The following GRIP1 variants were observed in gnomAD, a reference collection of about 807,000 sequenced individuals.
GRIP1 encodes the protein glutamate receptor-interacting protein 1.
Under a neutral mutation model 129.9 loss-of-function variants are expected in GRIP1, and 45 were observed. That is an observed-to-expected ratio of 0.35 (90% CI 0.27 to 0.44). GRIP1 has a LOEUF of 0.44. GRIP1 is among the 20% of genes least tolerant of loss of function. The pLI is 1.00. For synonymous variants in GRIP1, 530 were observed against 520.8 expected (o/e 1.02, Z -0.24); for missense variants, 1,196 against 1,396.8 (o/e 0.86, Z 2.29).
chr12:66,418,182 T>C (rs539268464), intron 15 of GRIP1, among the ~76,000 whole-genome samples: 5 of 152,162 alleles, frequency 3.3e-5, no homozygotes, highest in South Asian at 2.1e-4. Context: ...GAAACATACA[T>C]TGGGGAAAAG....
intron 2 of GRIP1, among the ~76,000 whole-genome samples, chr12:66,583,178 T>A (rs1490243741): frequency 6.6e-6 from 1 of 151,156 alleles, no homozygotes; most frequent in Non-Finnish European, 1.5e-5. Context: ...ATTTAATAAA[T>A]GGTGCTGGGA....
At chr12:66,702,538 A>T (rs1245499456) in intron 1 of GRIP1, among the ~76,000 whole-genome samples, 1 of 152,176 alleles carries the variant, frequency 6.6e-6, no homozygotes, top group African/African-American at 2.4e-5. Flanking sequence ...TACAAGCCCA[A>T]AGAAAATTAC....
intron 5 of GRIP1, among the ~76,000 whole-genome samples, chr12:66,526,626 CT>C (rs1288782841): frequency 6.6e-6 from 1 of 152,016 alleles, no homozygotes; most frequent in African/African-American, 2.4e-5. Flanking sequence ...TGGGCAAGGA[CT>C]TCATGTCTAA....
In GRIP1 at chr12:66,819,095, A is replaced by C. The variant is rs532266152; in HGVS notation, c.59-222168T>G. On this transcript the variant is annotated intron_variant, in intron 1 of 1. Transcript: ENST00000643019. ...AACATTTTTGTTTCCCAGTATTCCCAAATGGACTGCCAAAGAAGCCCTTTG... is the reference window on the plus strand; with the variant it reads ...AACATTTTTGTTTCCCAGTATTCCCCAATGGACTGCCAAAGAAGCCCTTTG... 1.7e-4 allele frequency among the ~76,000 whole-genome samples: 26 copies of C among 152,354 alleles called. No individual in the cohort carries two copies. The South Asian group carries it at 5.4e-3, about 32-fold the overall frequency.
At chr12:66,715,309 C>T (rs1198357858) in intron 1 of GRIP1, among the ~76,000 whole-genome samples, 1 of 151,960 alleles carries the variant, frequency 6.6e-6, no homozygotes, top group East Asian at 1.9e-4. Context: ...CATGGTCCTG[C>T]TCTCCCCAGA....
At chr12:66,924,090 C>T (rs2041256935) in intron 1 of GRIP1, among the ~76,000 whole-genome samples, 1 of 152,214 alleles carries the variant, frequency 6.6e-6, no homozygotes, top group South Asian at 2.1e-4. Context: ...GGTGATTCAC[C>T]CCCCTCGGCC....
chr12:66,661,473 AG>A lies in GRIP1; in HGVS notation c.55+17376del, dbSNP rs1169150897. ...TTAGATTTTGGCAAAAAAAAAAAAAAGGTGGAGGGGAGATGGGAAAAAAAAT... is the reference window on the plus strand; with the variant it reads ...TTAGATTTTGGCAAAAAAAAAAAAAAGTGGAGGGGAGATGGGAAAAAAAAT... On this transcript the variant is annotated intron_variant, in intron 1 of 24. Transcript: ENST00000359742. 5.8e-4 allele frequency among the ~76,000 whole-genome samples: 43 copies of A among 74,386 alleles called. 1 individual carries two copies. Among genetic ancestry groups the A allele is most frequent in the African/African-American group, 1.1e-3 (18 of 15,986 alleles). The allele number at this position is 74,386 out of a possible 152,430, so 48.8% of individuals were successfully genotyped here.
intron 1 of GRIP1, among the ~76,000 whole-genome samples, chr12:66,901,128 G>A (rs538874330): frequency 5.9e-5 from 9 of 152,274 alleles, no homozygotes; most frequent in Non-Finnish European, 1.3e-4. Context: ...GATTACATGG[G>A]TTAAAAGAAC....
In GRIP1 at chr12:66,932,804, G is replaced by C. The variant is rs566622221; in HGVS notation, c.58+136246C>G. Among the ~76,000 whole-genome samples the C allele has an allele frequency of 2.8e-3, 430 of 152,118 alleles. 2 individuals are homozygous for C. The highest frequency in any genetic ancestry group is 6.5e-3 in the South Asian group (31 of 4,804). ...CTGCCTCAGCCTCCCAAGTAACTAGGACTGCAGGCGCCTGCCACCGCGCCC... is the reference window on the plus strand; with the variant it reads ...CTGCCTCAGCCTCCCAAGTAACTAGCACTGCAGGCGCCTGCCACCGCGCCC... On this transcript the variant is annotated intron_variant, in intron 1 of 1. Transcript: ENST00000643019.
chr12:66,504,603 T>C (rs2060477326), intron 7 of GRIP1, among the ~76,000 whole-genome samples: 1 of 152,142 alleles, frequency 6.6e-6, no homozygotes, highest in Non-Finnish European at 1.5e-5. Context: ...ATCTTCAAAC[T>C]GCAAAATCCT....
chr12:66,748,962 TAGAC>T (rs1405370939), intron 1 of GRIP1, among the ~76,000 whole-genome samples: 2 of 152,146 alleles, frequency 1.3e-5, no homozygotes, highest in Non-Finnish European at 2.9e-5. Context: ...ATATAAACAA[TAGAC>T]AGACAGATCA....
chr12:66,893,251 A>G (rs925372072), intron 1 of GRIP1, among the ~76,000 whole-genome samples: 1 of 151,396 alleles, frequency 6.6e-6, no homozygotes, highest in East Asian at 1.9e-4. Flanking sequence ...ATATCTCTTT[A>G]TTTTTATTAT....
intron 1 of GRIP1, among the ~76,000 whole-genome samples, chr12:66,937,753 T>C (rs1413276483): frequency 6.6e-6 from 1 of 151,970 alleles, no homozygotes; most frequent in Non-Finnish European, 1.5e-5. Flanking sequence ...GATATTAGAG[T>C]TTCCAAAGAT....
At chr12:66,416,201 G>A (rs866900787) in intron 15 of GRIP1, among the ~76,000 whole-genome samples, 10 of 151,924 alleles carry the variant, frequency 6.6e-5, no homozygotes, top group East Asian at 3.8e-4. Context: ...AAAAAATTTC[G>A]TGAAACAAAT....
chr12:66,633,723 A>G (rs1321239622), intron 1 of GRIP1, among the ~76,000 whole-genome samples: 1 of 152,132 alleles, frequency 6.6e-6, no homozygotes, highest in Non-Finnish European at 1.5e-5. Context: ...GAAGTAGGAA[A>G]CTAAGAAGTT....
At chr12:66,431,771 A>C (rs1280267409) in intron 14 of GRIP1, among the ~76,000 whole-genome samples, 1 of 152,164 alleles carries the variant, frequency 6.6e-6, no homozygotes, top group African/African-American at 2.4e-5. Context: ...AAAGCCCCCC[A>C]AAACCCTCAA....
At chr12:66,555,914 T>G (rs1050702812) in intron 2 of GRIP1, among the ~76,000 whole-genome samples, 2 of 152,202 alleles carry the variant, frequency 1.3e-5, no homozygotes, top group East Asian at 1.9e-4. Context: ...GCATGCCTAT[T>G]AGACCCAGAA....
intron 1 of GRIP1, among the ~76,000 whole-genome samples, chr12:66,767,348 G>T (rs1197939628): frequency 6.6e-6 from 1 of 152,090 alleles, no homozygotes; most frequent in Non-Finnish European, 1.5e-5. Context: ...CTCAAAAGAA[G>T]CATCTAAGGA....
intron 16 of GRIP1, among the ~76,000 whole-genome samples, chr12:66,401,179 G>A (rs1355655379): frequency 1.3e-5 from 2 of 152,114 alleles, no homozygotes; most frequent in Non-Finnish European, 2.9e-5. Flanking sequence ...GTTAAATAAA[G>A]CTGAAATTCA....
Sources: gnomAD v4.1 joint callset for allele counts (sites outside exome capture counted in the v4.1 genomes callset) on GRCh38, gnomAD v4.1.1 for gene constraint, MANE v1.5 for transcripts, NCBI Gene and HGNC (gene_info 2026-07-23, HGNC 2026-07-21) for gene names.